Variants in CSMD1 observed in about 807,000 individuals in gnomAD.
The protein encoded by CSMD1 is CUB and Sushi multiple domains 1.
In CSMD1, 213 loss-of-function variants were observed where a neutral mutation model predicts 417.5. The observed-to-expected ratio is 0.51, with a 90% CI of 0.46 to 0.57. CSMD1 has a LOEUF of 0.57. Among genes scored for constraint, CSMD1 ranks in the 20% least tolerant of loss-of-function variants. CSMD1 has a pLI of 0.00. For missense variants in CSMD1, 6,923 were observed against 4,529.7 expected, an observed-to-expected ratio of 1.53 and a Z score of -15.17; for synonymous variants, 2,862 against 1,736.8, an observed-to-expected ratio of 1.65 and a Z score of -16.11.
At chr8:3,630,454 G>A (rs563559048) in intron 7 of CSMD1, among the ~76,000 whole-genome samples, 124 of 152,288 alleles carry the variant, frequency 8.1e-4, no homozygotes, top group African/African-American at 2.9e-3. Context: ...GAACAAGAAA[G>A]AAGAAAAGGA....
intron 3 of CSMD1, among the ~76,000 whole-genome samples, chr8:4,263,152 G>C (rs756442362): frequency 6.6e-6 from 1 of 152,008 alleles, no homozygotes; most frequent in African/African-American, 2.4e-5. Context: ...AATGTATTAC[G>C]TAAAAGCAAT....
chr8:2,937,851 T>C lies in CSMD1; in HGVS notation c.*734A>G, dbSNP rs1193731128. The C allele has an allele frequency of 6.6e-6, 1 of 152,560 alleles. No homozygotes were observed. Among genetic ancestry groups the C allele is most frequent in the Non-Finnish European group, 1.5e-5 (1 of 68,042 alleles). 9.5% of individuals were successfully genotyped at this position (152,560 alleles called of 1,614,324 possible). A position where few individuals can be genotyped will look rare whatever the true frequency, so the allele number is the denominator to read the frequency against. On this transcript the variant is annotated 3_prime_UTR_variant, in exon 70 of 70. Coordinates refer to ENST00000635120, the MANE Select transcript of CSMD1 (RefSeq NM_033225.6). ...TTGATAATATGAAATAATGCTTATA[T>C]ACAATGGATAGTGTGTATAAACCCT... is the stretch of plus-strand genomic sequence containing the variant.
intron 2 of CSMD1, among the ~76,000 whole-genome samples, chr8:4,569,652 T>G (rs569156256): frequency 7.2e-5 from 11 of 151,910 alleles, no homozygotes; most frequent in Non-Finnish European, 1.3e-4. Flanking sequence ...CACATGACCT[T>G]TAGTTTTTTT....
At chr8:3,968,102 G>C (rs1051594516) in intron 5 of CSMD1, among the ~76,000 whole-genome samples, 2 of 151,666 alleles carry the variant, frequency 1.3e-5, no homozygotes, top group East Asian at 3.9e-4. Flanking sequence ...CAGGAGAATG[G>C]CGTGAACCCG....
chr8:3,777,123 CACACACA>C (rs1798934392), intron 5 of CSMD1, among the ~76,000 whole-genome samples: 1 of 742 alleles, frequency 1.3e-3, no homozygotes, highest in Non-Finnish European at 2.8e-3. Flanking sequence ...TCTATACCTA[CACACACA>C]CACACACACA....
chr8:3,867,829 A>C (rs1201335748), intron 5 of CSMD1, among the ~76,000 whole-genome samples: 2 of 151,990 alleles, frequency 1.3e-5, no homozygotes, highest in East Asian at 3.9e-4. Flanking sequence ...CCTCAATTCT[A>C]GGCCTCCATT....
At chr8:3,500,243 C>G (rs1206740044) in intron 10 of CSMD1, among the ~76,000 whole-genome samples, 3 of 152,140 alleles carry the variant, frequency 2.0e-5, no homozygotes, top group East Asian at 1.9e-4. Context: ...ATGTGCTTAC[C>G]TACTTGTCAT....
intron 2 of CSMD1, among the ~76,000 whole-genome samples, chr8:4,427,762 A>G (rs940495129): frequency 3.3e-5 from 5 of 152,220 alleles, no homozygotes; most frequent in African/African-American, 1.2e-4. Flanking sequence ...ATCTCTCAAT[A>G]GAAACTTCAA....
chr8:4,182,740 ACAT>A (rs1798448011), intron 3 of CSMD1, among the ~76,000 whole-genome samples: 1 of 151,782 alleles, frequency 6.6e-6, no homozygotes, highest in Non-Finnish European at 1.5e-5. Flanking sequence ...AAATAATGGA[ACAT>A]CATTTTTTTT....
rs151118468 is a variant in CSMD1, at chr8:4,675,747, A to G, written c.86-38189T>C. 2.9e-4 allele frequency among the ~76,000 whole-genome samples: 44 copies of G among 152,234 alleles called. No homozygotes were observed. The East Asian group carries it at 6.4e-3, about 22-fold the overall frequency. Reference sequence around the variant, plus strand: ...TCCCTATTCATCTGTACTCCCTTACATTGCATTCTACTTGTCAACAGTAAG... The same window carrying G: ...TCCCTATTCATCTGTACTCCCTTACGTTGCATTCTACTTGTCAACAGTAAG... On this transcript the variant is annotated intron_variant, in intron 1 of 69. Transcript: ENST00000635120.
intron 3 of CSMD1, among the ~76,000 whole-genome samples, chr8:4,382,643 G>A (rs1803177919): frequency 6.6e-6 from 1 of 152,180 alleles, no homozygotes; most frequent in Non-Finnish European, 1.5e-5. Flanking sequence ...CTAAGTTTAG[G>A]AAAACAAGTC....
intron 2 of CSMD1, among the ~76,000 whole-genome samples, chr8:4,465,782 G>A (rs925502860): frequency 6.6e-6 from 1 of 152,110 alleles, no homozygotes; most frequent in African/African-American, 2.4e-5. Context: ...TCTGAGAATG[G>A]GGGTGGTTAT....
intron 5 of CSMD1, among the ~76,000 whole-genome samples, chr8:3,757,104 G>C (rs1212757992): frequency 6.6e-6 from 1 of 152,110 alleles, no homozygotes; most frequent in African/African-American, 2.4e-5. Flanking sequence ...TGCCAGCCTG[G>C]AATTGCACTT....
chr8:4,681,641 G>A (rs1321339597), intron 1 of CSMD1, among the ~76,000 whole-genome samples: 1 of 152,136 alleles, frequency 6.6e-6, no homozygotes, highest in African/African-American at 2.4e-5. Context: ...GTGCTTGGTT[G>A]CTGGCACGTC....
intron 1 of CSMD1, among the ~76,000 whole-genome samples, chr8:4,726,190 G>A (rs1314984069): frequency 6.6e-6 from 1 of 151,982 alleles, no homozygotes; most frequent in Non-Finnish European, 1.5e-5. Flanking sequence ...TATTACACTT[G>A]GAAGTTTTCA....
Position 3,306,744 on chromosome 8 carries a change from AAAAAT to A in CSMD1, c.3950+946_3950+950del, listed in dbSNP as rs144455728. ...GTCCACTTCATTTTAAACAAGAACT[AAAAAT>A]AAAACTGATTTTAAAATTACCTTTT... is the stretch of plus-strand genomic sequence containing the variant. On this transcript the variant is annotated intron_variant, in intron 25 of 69. Coordinates refer to ENST00000635120, the MANE Select transcript of CSMD1 (RefSeq NM_033225.6). Among the ~76,000 whole-genome samples the A allele has an allele frequency of 1.1e-4, 16 of 151,898 alleles. No homozygotes were observed. The East Asian group carries it at 2.5e-3, about 24-fold the overall frequency.
intron 1 of CSMD1, among the ~76,000 whole-genome samples, chr8:4,856,553 A>G (rs1446693803): frequency 1.4e-5 from 2 of 140,764 alleles, no homozygotes; most frequent in African/African-American, 2.9e-5. Context: ...TAGGCTCAAA[A>G]TAAAAGGATG....
At chr8:2,999,436 G>C (rs1046291395) in intron 53 of CSMD1, among the ~76,000 whole-genome samples, 1 of 152,080 alleles carries the variant, frequency 6.6e-6, no homozygotes, top group African/African-American at 2.4e-5. Flanking sequence ...TTACAGGCGT[G>C]AGCCACCACG....
rs373078725 is a variant in CSMD1, at chr8:3,577,402, G to A, written c.1223-2336C>T. Among the ~76,000 whole-genome samples, 7 of 151,898 alleles carry A rather than the reference G, an allele frequency of 4.6e-5. No homozygotes were observed. The South Asian group carries it at 6.2e-4, about 14-fold the overall frequency. ...ACCAAAAGCTTTCAAATTAACCCAT[G>A]TTTCTTTTTTTAATTTAGAAATCTC... On this transcript the variant is annotated intron_variant, in intron 9 of 69. Transcript: ENST00000635120.
Sources: allele counts gnomAD v4.1 joint callset (sites outside exome capture counted in the v4.1 genomes callset), GRCh38; gene constraint gnomAD v4.1.1; transcripts MANE v1.5; gene names NCBI Gene and HGNC (gene_info 2026-07-23, HGNC 2026-07-21).